The following TEX14 variants were observed in gnomAD, a reference collection of about 807,000 sequenced individuals.
TEX14 encodes the protein testis expressed 14, intercellular bridge forming factor.
Under a neutral mutation model 178.6 loss-of-function variants are expected in TEX14, and 168 were observed. That is an observed-to-expected ratio of 0.94 (90% CI 0.83 to 1.07). The LOEUF (loss-of-function observed/expected upper bound fraction) is 1.07. TEX14 is among the 50% of genes least tolerant of loss of function. The pLI is 0.00. For synonymous variants in TEX14, 626 were observed against 634.1 expected, an observed-to-expected ratio of 0.99 and a Z score of 0.19; for missense variants, 1,730 against 1,753.6, an observed-to-expected ratio of 0.99 and a Z score of 0.24.
intron 8 of TEX14, 114 bp from the exon 9 acceptor site, chr17:58,613,658 C>T: frequency 8.9e-7 from 1 of 1,119,146 alleles, no homozygotes; most frequent in Admixed American, 2.6e-5. Flanking sequence ...ACGATGTTTT[C>T]TTTTCTTTTC....
At chr17:58,687,931 T>C (rs182462471) in intron 1 of TEX14, among the ~76,000 whole-genome samples, 2 of 152,292 alleles carry the variant, frequency 1.3e-5, no homozygotes, top group East Asian at 3.9e-4. Flanking sequence ...AGAGAATCTA[T>C]CTTGTTTACC....
At chr17:58,562,557 T>G (rs930414621) in intron 28 of TEX14, among the ~76,000 whole-genome samples, 1 of 151,740 alleles carries the variant, frequency 6.6e-6, no homozygotes, top group Non-Finnish European at 1.5e-5. Context: ...CAGGCTGGAG[T>G]GCAGCGGCAC....
chr17:58,611,022 T>C (rs2045732292), intron 10 of TEX14, 139 bp downstream of exon 10: 2 of 645,888 alleles, frequency 3.1e-6, no homozygotes, highest in Non-Finnish European at 5.5e-6. Flanking sequence ...GGGTAAGGCA[T>C]TTGGGACAGG....
intron 2 of TEX14, among the ~76,000 whole-genome samples, chr17:58,641,737 C>G (rs990980112): frequency 6.6e-6 from 1 of 151,952 alleles, no homozygotes; most frequent in African/African-American, 2.4e-5. Context: ...TATCTCCTGA[C>G]CTTGTGATCT....
chr17:58,596,195 A>ATTT (rs1567725055), intron 14 of TEX14, among the ~76,000 whole-genome samples: 2 of 152,188 alleles, frequency 1.3e-5, no homozygotes, highest in African/African-American at 4.8e-5. Context: ...AAAATTTAAA[A>ATTT]AAAAAAAAGT....
intron 1 of TEX14, among the ~76,000 whole-genome samples, chr17:58,691,229 T>A (rs1191857162): frequency 6.6e-6 from 1 of 152,204 alleles, no homozygotes; most frequent in Non-Finnish European, 1.5e-5. Context: ...CCTTTTGGCA[T>A]GGCTATGGCC....
chr17:58,645,520 G>A lies in TEX14; in HGVS notation c.136+6346C>T, dbSNP rs566199907. Among the ~76,000 whole-genome samples the A allele has an allele frequency of 3.9e-5, 6 of 152,044 alleles. No homozygotes were observed. In the East Asian group the frequency reaches 9.7e-4, roughly 25 times the overall value. ...ACTATAGGCGCCCGCCACCGCGCCC[G>A]ACTAATTTTTTGTATTTTTAGTAGA... is the stretch of plus-strand genomic sequence containing the variant. On this transcript the variant is annotated intron_variant, in intron 2 of 31. Transcript: ENST00000349033.
intron 2 of TEX14, among the ~76,000 whole-genome samples, chr17:58,647,380 A>T (rs1295082009): frequency 1.3e-5 from 2 of 151,726 alleles, no homozygotes; most frequent in Non-Finnish European, 2.9e-5. Context: ...AAATACAAAA[A>T]AATTAGCTGG....
rs537994722 is a variant in TEX14 at position 58,574,719 on chromosome 17, G to GGC, written c.3321-472_3321-471dup. Among the ~76,000 whole-genome samples, 404 of 145,776 alleles carry GGC rather than the reference G, an allele frequency of 2.8e-3. 2 individuals are homozygous for GGC. Among genetic ancestry groups the GGC allele is most frequent in the Middle Eastern group, 0.019 (5 of 262 alleles). On this transcript the variant is annotated intron_variant, in intron 21 of 31. Transcript: ENST00000349033. ...AAAAAAAAGTGTGAGTTCTGGTTCTGGCTGTACTACTAGCTGCGAGTTCTC... is the reference window on the plus strand; with the variant it reads ...AAAAAAAAGTGTGAGTTCTGGTTCTGGCGCTGTACTACTAGCTGCGAGTTCTC...
chr17:58,596,107 C>T (rs753323514), intron 14 of TEX14, among the ~76,000 whole-genome samples: 6 of 151,960 alleles, frequency 3.9e-5, no homozygotes, highest in East Asian at 1.9e-4. Context: ...CGCTTGAACC[C>T]GGGAGGTGGA....
At chr17:58,652,494 G>T (rs2046860775) in intron 1 of TEX14, among the ~76,000 whole-genome samples, 1 of 152,084 alleles carries the variant, frequency 6.6e-6, no homozygotes, top group Non-Finnish European at 1.5e-5. Flanking sequence ...GGACGTGTTT[G>T]CTTCCCATCT....
intron 14 of TEX14, among the ~76,000 whole-genome samples, chr17:58,596,723 A>G (rs2045291770): frequency 1.4e-5 from 2 of 141,052 alleles, no homozygotes; most frequent in Admixed American, 1.4e-4. Context: ...ATCTCTATGG[A>G]AAAAAAAAAA....
chr17:58,636,841 A>T (rs1430460012), intron 2 of TEX14, among the ~76,000 whole-genome samples: 1 of 151,628 alleles, frequency 6.6e-6, no homozygotes, highest in Non-Finnish European at 1.5e-5. Context: ...TGAACTCGGG[A>T]GGCAGAGGTT....
Position 58,600,510 on chromosome 17 carries a change from G to A in TEX14, c.1679-844C>T, listed in dbSNP as rs60438447. 1.6e-4 allele frequency among the ~76,000 whole-genome samples: 24 copies of A among 150,166 alleles called. No homozygotes were observed. The East Asian group carries it at 3.5e-3, about 22-fold the overall frequency. Reference sequence around the variant, plus strand: ...TGGGAGACAGAGGTTGCAGTAAACCGAGATTGCGCCATTGCACTCCAGTCT... The same window carrying A: ...TGGGAGACAGAGGTTGCAGTAAACCAAGATTGCGCCATTGCACTCCAGTCT... On this transcript the variant is annotated intron_variant, in intron 13 of 31. Coordinates refer to ENST00000349033, the MANE Select transcript of TEX14 (RefSeq NM_031272.5).
chr17:58,660,919 T>C (rs770646484), intron 1 of TEX14: 23 of 888,738 alleles, frequency 2.6e-5, no homozygotes, highest in African/African-American at 8.2e-5. Flanking sequence ...TGGATGCCTC[T>C]CTTGAAGAGT....
chr17:58,585,034 T>A (rs1017318923), intron 18 of TEX14, among the ~76,000 whole-genome samples: 1 of 152,210 alleles, frequency 6.6e-6, no homozygotes, highest in Non-Finnish European at 1.5e-5. Context: ...ATGTCATGTG[T>A]CTCTAGGTTC....
At chr17:58,617,422 AAAG>A (rs1490889692) in intron 6 of TEX14, 113 bp downstream of exon 6, 10 of 717,646 alleles carry the variant, frequency 1.4e-5, no homozygotes, top group Non-Finnish European at 2.1e-5. Flanking sequence ...GCAAAAAAGA[AAAG>A]AACAACACTT....
chr17:58,577,400 T>G lies in TEX14; in HGVS notation c.3295A>C (p.Arg1099=). 2 of 1,505,262 alleles carry G rather than the reference T, an allele frequency of 1.3e-6. No homozygotes were observed. The highest frequency in any genetic ancestry group is 1.8e-6 in the Non-Finnish European group (2 of 1,121,684). 93.2% of individuals were successfully genotyped at this position (1,505,262 alleles called of 1,614,324 possible). The change falls in exon 21 of 32, where the codon AGG becomes CGG. Residue 1099 remains arginine, a synonymous_variant. Transcript: ENST00000349033. The part of the protein sequence containing the change: ...ILGKNAEILP[R]SQFQPVRSTE... ...CTTCGTACAGGTTGAAATTGAGACC[T>G]GGGCAAAATCTCAGCATTCTTTCCA...
intron 11 of TEX14, among the ~76,000 whole-genome samples, 178 bp downstream of exon 11, chr17:58,604,800 A>T (rs2045565537): frequency 6.6e-6 from 1 of 152,114 alleles, no homozygotes; most frequent in African/African-American, 2.4e-5. Flanking sequence ...ACTTCAGGTG[A>T]TCCACCCGCC....
Sources: allele counts gnomAD v4.1 joint callset (sites outside exome capture counted in the v4.1 genomes callset), GRCh38; gene constraint gnomAD v4.1.1; transcripts MANE v1.5; gene names NCBI Gene and HGNC (gene_info 2026-07-23, HGNC 2026-07-21).